The following AP2A2 variants were observed in gnomAD, a reference collection of about 807,000 sequenced individuals.
The protein encoded by AP2A2 is AP-2 complex subunit alpha-2.
AP2A2 carries 32 observed loss-of-function variants against 104.2 expected under a neutral mutation model. The observed-to-expected ratio is 0.31, with a 90% confidence interval of 0.23 to 0.41. AP2A2 has a LOEUF of 0.41. Among genes scored for constraint, AP2A2 ranks in the 10% least tolerant of loss-of-function variants. AP2A2 has a pLI of 1.00. For synonymous variants in AP2A2, 539 were observed against 533.3 expected (o/e 1.01, Z -0.15); for missense variants, 912 against 1,261.0 (o/e 0.72, Z 4.19).
intron 14 of AP2A2, 135 bp downstream of exon 14, chr11:994,380 G>T: frequency 8.7e-7 from 1 of 1,152,642 alleles, no homozygotes; most frequent in South Asian, 1.5e-5. Context: ...TGGACACCCC[G>T]CTGTCCTGTC....
chr11:965,789 T>C (rs1854594093), intron 2 of AP2A2, among the ~76,000 whole-genome samples: 1 of 152,250 alleles, frequency 6.6e-6, no homozygotes, highest in African/African-American at 2.4e-5. Flanking sequence ...CTTCCATCTT[T>C]AAGCCTTTAG....
At chr11:988,775 C>T (rs1173602950) in intron 10 of AP2A2, 86 bp downstream of exon 10, 4 of 1,517,628 alleles carry the variant, frequency 2.6e-6, no homozygotes, top group Non-Finnish European at 3.6e-6. Context: ...CGATTCCGTC[C>T]AGCAGGACTT....
intron 5 of AP2A2, among the ~76,000 whole-genome samples, chr11:979,686 C>T (rs896092513): frequency 2.0e-5 from 3 of 152,152 alleles, no homozygotes; most frequent in Non-Finnish European, 2.9e-5. Flanking sequence ...CTCAGCTTCC[C>T]GAGTAGCTGG....
chr11:1,010,456 C>A, intron 21 of AP2A2, 92 bp from the exon 22 acceptor site: 1 of 1,029,124 alleles, frequency 9.7e-7, no homozygotes, highest in Non-Finnish European at 1.4e-6. Context: ...GGTCCCTGGG[C>A]ATGGCCCACA....
At chr11:974,395 T>C (rs1854943408) in intron 4 of AP2A2, among the ~76,000 whole-genome samples, 1 of 152,128 alleles carries the variant, frequency 6.6e-6, no homozygotes, top group Non-Finnish European at 1.5e-5. Flanking sequence ...CTCAAAGTAA[T>C]ATGCTAAGGC....
intron 2 of AP2A2, among the ~76,000 whole-genome samples, chr11:963,112 A>G (rs1310118537): frequency 2.0e-5 from 3 of 152,022 alleles, no homozygotes; most frequent in Non-Finnish European, 4.4e-5. Flanking sequence ...CAGTATATCT[A>G]AAATTTCGTT....
chr11:987,131 C>T (rs1046118265), intron 9 of AP2A2, among the ~76,000 whole-genome samples, 178 bp downstream of exon 9: 2 of 152,240 alleles, frequency 1.3e-5, no homozygotes, highest in African/African-American at 4.8e-5. Context: ...GAGGGCCATG[C>T]TGCCTGGAGA....
At chr11:970,094 G>A (rs542304946) in intron 2 of AP2A2, 75 bp from the exon 3 acceptor site, 3 of 1,534,062 alleles carry the variant, frequency 2.0e-6, no homozygotes, top group Admixed American at 3.4e-5. Flanking sequence ...CTGTACTGCT[G>A]CACTGCCCTC....
rs1854849392 is a variant in AP2A2, at chr11:972,077, T to G, written c.295T>G (p.Ser99Ala). Reference protein sequence around the residue: ...TEKQIGYLFISVLVNSNSELI... With the variant: ...TEKQIGYLFIAVLVNSNSELI... ...TGGAACGCAGGGCTACCTTTTCATC[T>G]CTGTGTTGGTGAACTCAAACAGTGA... The change falls in exon 4 of 22, where the codon TCT becomes GCT. Residue 99 changes from serine (S) to alanine (A), a missense_variant. Physicochemically the swap from Ser to Ala is moderately conservative, Grantham distance 99. Coordinates refer to ENST00000448903, the MANE Select transcript of AP2A2 (RefSeq NM_012305.4). 6.2e-7 allele frequency: 1 copy of G among 1,613,326 alleles called. No homozygotes were observed. Among genetic ancestry groups the G allele is most frequent in the Non-Finnish European group, 8.5e-7 (1 of 1,179,624 alleles).
intron 1 of AP2A2, among the ~76,000 whole-genome samples, chr11:937,920 G>GGAGCTT (rs1474897821): frequency 6.6e-6 from 1 of 152,216 alleles, no homozygotes; most frequent in Non-Finnish European, 1.5e-5. Context: ...AGGTGGAGCT[G>GGAGCTT]GAGCTTGAAC....
chr11:1,007,273 T>C (rs1373261231), intron 17 of AP2A2: 1 of 153,320 alleles, frequency 6.5e-6, no homozygotes, highest in Non-Finnish European at 1.5e-5. Context: ...CATTTTAACA[T>C]GAACATGTTT....
At chr11:943,869 GT>G (rs1205564261) in intron 1 of AP2A2, among the ~76,000 whole-genome samples, 1 of 139,972 alleles carries the variant, frequency 7.1e-6, no homozygotes, top group African/African-American at 2.7e-5. Flanking sequence ...GATGGCAAGA[GT>G]AAGAGAGTCC....
intron 2 of AP2A2, among the ~76,000 whole-genome samples, chr11:960,367 C>CGAGTA (rs955062151): frequency 7.9e-5 from 12 of 152,082 alleles, no homozygotes; most frequent in Non-Finnish European, 1.5e-4. Context: ...CTCAGCCTCC[C>CGAGTA]GAGTAGCTGG....
intron 1 of AP2A2, among the ~76,000 whole-genome samples, chr11:943,929 C>T (rs913092631): frequency 4.2e-5 from 6 of 143,388 alleles, no homozygotes; most frequent in African/African-American, 5.3e-5. Flanking sequence ...AAGAGAGTCC[C>T]GACCGGAGAC....
At chr11:995,232 G>C in intron 14 of AP2A2, 1 of 449,926 alleles carries the variant, frequency 2.2e-6, no homozygotes, top group Non-Finnish European at 4.5e-6. Context: ...GTCCTGCCCT[G>C]CTCTTCGAGG....
chr11:976,577 A>G (rs1448179708), intron 4 of AP2A2, among the ~76,000 whole-genome samples: 1 of 152,046 alleles, frequency 6.6e-6, no homozygotes, highest in African/African-American at 2.4e-5. Context: ...GCAGCAGAGC[A>G]GGAGAGCCAT....
chr11:1,011,614 CGA>C lies in AP2A2; in HGVS notation c.*995_*996del, dbSNP rs1365997725. Reference sequence around the variant, plus strand: ...GGCTGCACGTCTGACACCTGAGAGGCGAGAGAGTGGGGCCGGCCTAGGAGCCA... The same window carrying C: ...GGCTGCACGTCTGACACCTGAGAGGCGAGAGTGGGGCCGGCCTAGGAGCCA... On this transcript the variant is annotated 3_prime_UTR_variant, in exon 22 of 22. Transcript: ENST00000448903. 8 of 404,438 alleles carry C rather than the reference CGA, an allele frequency of 2.0e-5. No homozygotes were observed. Among genetic ancestry groups the C allele is most frequent in the African/African-American group, 1.2e-4 (6 of 48,956 alleles). 25.1% of individuals were successfully genotyped at this position (404,438 alleles called of 1,614,324 possible). A position where few individuals can be genotyped will look rare whatever the true frequency, so the allele number is the denominator to read the frequency against.
intron 1 of AP2A2, among the ~76,000 whole-genome samples, chr11:950,922 G>A (rs1049446369): frequency 7.9e-5 from 12 of 151,296 alleles, no homozygotes; most frequent in African/African-American, 2.4e-4. Context: ...GTGAAACCCC[G>A]TCTGTACTAA....
intron 1 of AP2A2, among the ~76,000 whole-genome samples, chr11:950,277 A>G (rs1196770474): frequency 6.6e-6 from 1 of 152,116 alleles, no homozygotes. Flanking sequence ...CCTACCAAAA[A>G]AACAGGAGTA....
Sources: allele counts gnomAD v4.1 joint callset (sites outside exome capture counted in the v4.1 genomes callset), GRCh38; gene constraint gnomAD v4.1.1; transcripts MANE v1.5; gene names NCBI Gene and HGNC (gene_info 2026-07-23, HGNC 2026-07-21).